ZNF322: variants seen among roughly 807,000 people sequenced by gnomAD.
ZNF322 encodes the protein HLA complex group 12.
In ZNF322, 1 loss-of-function variant was observed where a neutral mutation model predicts 18.3. The ratio of observed to expected loss-of-function variants is 0.05; its 90% CI spans 0.02 to 0.26. ZNF322 has a LOEUF of 0.26. ZNF322 is among the 10% of genes least tolerant of loss of function. The pLI is 1.00. For synonymous variants in ZNF322, 17 were observed against 130.7 expected, an observed-to-expected ratio of 0.13 and a Z score of 5.93; for missense variants, 36 against 403.6, an observed-to-expected ratio of 0.09 and a Z score of 7.80.
intron 3 of ZNF322, among the ~76,000 whole-genome samples, chr6:26,642,830 T>C (rs576544616): frequency 7.9e-5 from 12 of 152,246 alleles, no homozygotes; most frequent in Non-Finnish European, 1.6e-4. Flanking sequence ...TCTCAGTTTA[T>C]GGCAAGTTCA....
chr6:26,656,786 A>G (rs797031595), intron 2 of ZNF322, among the ~76,000 whole-genome samples: 5 of 152,154 alleles, frequency 3.3e-5, no homozygotes, highest in African/African-American at 9.6e-5. Context: ...ATTATTCCCT[A>G]AAGTTATCAG....
chr6:26,647,400 TAAAG>T (rs782456097), intron 2 of ZNF322, among the ~76,000 whole-genome samples: 4 of 151,708 alleles, frequency 2.6e-5, no homozygotes, highest in Non-Finnish European at 5.9e-5. Flanking sequence ...TTGTAAAACT[TAAAG>T]AAACAGATAA....
chr6:26,639,610 GTCAATGCATTTA>G (rs1488536956), intron 3 of ZNF322, among the ~76,000 whole-genome samples: 1 of 152,042 alleles, frequency 6.6e-6, no homozygotes, highest in Non-Finnish European at 1.5e-5. Flanking sequence ...GGAGTAATAA[GTCAATGCATTTA>G]TCAATTACCA....
At chr6:26,658,970 A>G (rs1243634571) in intron 1 of ZNF322, 1 of 152,060 alleles carries the variant, frequency 6.6e-6, no homozygotes, top group East Asian at 1.9e-4. Context: ...TATTATCTCA[A>G]CTCCTAAGAT....
At chr6:26,643,387 T>C (rs1278983616) in intron 3 of ZNF322, among the ~76,000 whole-genome samples, 1 of 152,242 alleles carries the variant, frequency 6.6e-6, no homozygotes, top group African/African-American at 2.4e-5. Flanking sequence ...TCTAACATAC[T>C]ATATAATTCA....
chr6:26,654,629 C>A (rs1474576023), intron 2 of ZNF322, among the ~76,000 whole-genome samples: 1 of 151,640 alleles, frequency 6.6e-6, no homozygotes, highest in Non-Finnish European at 1.5e-5. Context: ...CAATAAGAAT[C>A]CATGAATTTG....
At chr6:26,648,183 AT>A (rs1246533825) in intron 2 of ZNF322, among the ~76,000 whole-genome samples, 1 of 152,202 alleles carries the variant, frequency 6.6e-6, no homozygotes, top group Non-Finnish European at 1.5e-5. Flanking sequence ...ACTAAATATA[AT>A]ACCCCATATG....
chr6:26,651,037 G>A (rs1194597420), intron 2 of ZNF322, among the ~76,000 whole-genome samples: 1 of 152,110 alleles, frequency 6.6e-6, no homozygotes, highest in Non-Finnish European at 1.5e-5. Flanking sequence ...TATACTATTT[G>A]AAGTTACAAG....
chr6:26,654,138 T>C (rs1765722039), intron 2 of ZNF322, among the ~76,000 whole-genome samples: 1 of 152,146 alleles, frequency 6.6e-6, no homozygotes, highest in Non-Finnish European at 1.5e-5. Context: ...AGATTCCCCA[T>C]TGTCAATGAA....
chr6:26,658,772 C>T (rs1561927978), intron 1 of ZNF322, 126 bp from the exon 2 acceptor site: 1 of 152,984 alleles, frequency 6.5e-6, no homozygotes, highest in Non-Finnish European at 1.5e-5. Flanking sequence ...TCAACCATAG[C>T]TTACCTCTTC....
At chr6:26,648,996 G>T (rs1765604400) in intron 2 of ZNF322, among the ~76,000 whole-genome samples, 1 of 152,182 alleles carries the variant, frequency 6.6e-6, no homozygotes, top group Non-Finnish European at 1.5e-5. Flanking sequence ...CTGAAATAGG[G>T]TCATACTTAT....
At chr6:26,654,965 A>G (rs781896009) in intron 2 of ZNF322, among the ~76,000 whole-genome samples, 4 of 152,210 alleles carry the variant, frequency 2.6e-5, no homozygotes, top group Non-Finnish European at 4.4e-5. Context: ...GAGCCTCCTA[A>G]TATGATGCAA....
intron 2 of ZNF322, among the ~76,000 whole-genome samples, chr6:26,647,493 C>T (rs1047524030): frequency 1.3e-5 from 2 of 151,346 alleles, no homozygotes; most frequent in South Asian, 2.1e-4. Flanking sequence ...GAATAACCAC[C>T]GAAAAGAAAA....
intron 2 of ZNF322, among the ~76,000 whole-genome samples, chr6:26,651,707 ATACT>A (rs1487388591): frequency 3.3e-5 from 5 of 152,224 alleles, no homozygotes; most frequent in Admixed American, 1.3e-4. Context: ...AAATACATAC[ATACT>A]TACTTCTCAA....
intron 2 of ZNF322, among the ~76,000 whole-genome samples, chr6:26,644,986 C>A (rs948004972): frequency 2.0e-5 from 3 of 152,112 alleles, no homozygotes; most frequent in Non-Finnish European, 4.4e-5. Flanking sequence ...TTGCTACAGT[C>A]CCAGTGTGTG....
intron 2 of ZNF322, among the ~76,000 whole-genome samples, chr6:26,655,574 G>A (rs782785384): frequency 3.9e-5 from 6 of 152,130 alleles, no homozygotes; most frequent in Non-Finnish European, 8.8e-5. Flanking sequence ...TTCTCAAATG[G>A]CTCAGGGAAA....
At chr6:26,644,872 T>C (rs2494708) in intron 2 of ZNF322, among the ~76,000 whole-genome samples, 121,929 of 152,108 alleles carry the variant, frequency 0.8, 49,154 homozygotes, top group South Asian at 0.87. Flanking sequence ...CATAGGTAAA[T>C]GTGTGCCTAT....
chr6:26,657,479 C>T (rs1765802360), intron 2 of ZNF322, among the ~76,000 whole-genome samples: 1 of 152,076 alleles, frequency 6.6e-6, no homozygotes. Flanking sequence ...AGATCACTTC[C>T]TCAAAAAGCA....
chr6:26,646,167 G>GTAACAAAATACAGTTA (rs1233581167), intron 2 of ZNF322, among the ~76,000 whole-genome samples: 3 of 151,810 alleles, frequency 2.0e-5, no homozygotes, highest in Non-Finnish European at 4.4e-5. Flanking sequence ...AGAAAAAAAA[G>GTAACAAAATACAGTTA]TAACAAAATA....
Sources: allele counts gnomAD v4.1 joint callset (sites outside exome capture counted in the v4.1 genomes callset), GRCh38; gene constraint gnomAD v4.1.1; transcripts MANE v1.5; gene names NCBI Gene and HGNC (gene_info 2026-07-23, HGNC 2026-07-21).